The following PLEKHA7 variants were observed in gnomAD, a reference collection of about 807,000 sequenced individuals.
PLEKHA7 encodes pleckstrin homology domain-containing family A member 7.
In PLEKHA7, 104 loss-of-function variants were observed where a neutral mutation model predicts 170.0. The observed-to-expected ratio is 0.61, with a 90% confidence interval of 0.52 to 0.72. The LOEUF (loss-of-function observed/expected upper bound fraction) is 0.72. PLEKHA7 is among the 30% of genes least tolerant of loss of function. The probability of loss-of-function intolerance (pLI) is 0.00; values close to 1 mark genes in which losing one functional copy is unlikely to be tolerated. For synonymous variants in PLEKHA7, 648 were observed against 660.8 expected (o/e 0.98, Z 0.30); for missense variants, 1,615 against 1,671.7 (o/e 0.97, Z 0.59).
rs570682859 is a variant in PLEKHA7 at position 16,811,259 on chromosome 11, C to T, written c.2007+1854G>A. Among the ~76,000 whole-genome samples the T allele has an allele frequency of 9.2e-5, 14 of 152,330 alleles. No individual in the cohort carries two copies. The South Asian group carries it at 2.9e-3, about 32-fold the overall frequency. ...GCTCTTGCTCAGGTGCATTTAGTTC[C>T]CTCTGGCCCCGTGCACTAAACACTC... is the stretch of plus-strand genomic sequence containing the variant. On this transcript the variant is annotated intron_variant, in intron 13 of 26. Coordinates refer to ENST00000531066, the MANE Select transcript of PLEKHA7 (RefSeq NM_001329630.2).
At chr11:16,864,835 A>G (rs921852373) in intron 4 of PLEKHA7, among the ~76,000 whole-genome samples, 2 of 152,238 alleles carry the variant, frequency 1.3e-5, no homozygotes, top group Non-Finnish European at 2.9e-5. Context: ...TAGCAACATG[A>G]GAACAGACTA....
chr11:16,917,867 TCCTAAAGCACTAAGAAGTTGAA>T (rs1858810032), intron 3 of PLEKHA7, among the ~76,000 whole-genome samples: 1 of 152,202 alleles, frequency 6.6e-6, no homozygotes, highest in Non-Finnish European at 1.5e-5. Context: ...CTCCATGTAG[TCCTAAAGCACTAAGAAGTTGAA>T]CCTTCTTGGT....
chr11:17,003,661 G>C (rs527743286), intron 3 of PLEKHA7, among the ~76,000 whole-genome samples: 164 of 152,300 alleles, frequency 1.1e-3, no homozygotes, highest in African/African-American at 3.8e-3. Flanking sequence ...AGGTGAATTA[G>C]AGTCTAGGTA....
chr11:16,779,750 A>C lies in PLEKHA7; in HGVS notation c.3794-730T>G, dbSNP rs550149168. 6.8e-4 allele frequency among the ~76,000 whole-genome samples: 104 copies of C among 152,236 alleles called. 1 individual carries two copies. The South Asian group carries it at 0.021, about 30-fold the overall frequency. Reference sequence around the variant, plus strand: ...CACCCAGGATAGACACCTGCCAAAAAATCATGCTTCGCTCCCTGCAGCACA... The same window carrying C: ...CACCCAGGATAGACACCTGCCAAAACATCATGCTTCGCTCCCTGCAGCACA... On this transcript the variant is annotated intron_variant, in intron 26 of 26. Coordinates refer to ENST00000531066, the MANE Select transcript of PLEKHA7 (RefSeq NM_001329630.2).
rs116913643 is a variant in PLEKHA7 at position 16,903,388 on chromosome 11, G to A, written c.222-32206C>T. ...ATGTTTGGGATGTTTGCTCAGTTAG[G>A]TGAATGAGGATCCCCTCATCCAGAG... On this transcript the variant is annotated intron_variant, in intron 3 of 26. Coordinates refer to ENST00000531066, the MANE Select transcript of PLEKHA7 (RefSeq NM_001329630.2). 6.9e-3 allele frequency among the ~76,000 whole-genome samples: 1,047 copies of A among 152,314 alleles called. 6 individuals are homozygous for A. The highest frequency in any genetic ancestry group is 0.014 in the South Asian group (69 of 4,826).
intron 3 of PLEKHA7, among the ~76,000 whole-genome samples, chr11:16,992,754 T>G (rs1864120560): frequency 1.1e-5 from 1 of 94,826 alleles, no homozygotes; most frequent in Non-Finnish European, 1.9e-5. Flanking sequence ...AGACTCTATC[T>G]CAAAAAAAAA....
At chr11:16,804,374 ATTCTATCTGTAAGGTCCAGGAAG>A (rs2134441511) in intron 13 of PLEKHA7, among the ~76,000 whole-genome samples, 1 of 150,230 alleles carries the variant, frequency 6.7e-6, no homozygotes, top group East Asian at 2.0e-4. Flanking sequence ...ATTTCTCCCC[ATTCTATCTGTAAGGTCCAGGAAG>A]TTTGTCAGTG....
intron 3 of PLEKHA7, among the ~76,000 whole-genome samples, chr11:16,920,999 T>A (rs185055499): frequency 2.6e-5 from 4 of 152,368 alleles, no homozygotes; most frequent in African/African-American, 9.6e-5. Flanking sequence ...ACAAAAGTAA[T>A]GAGAATGAAT....
In PLEKHA7 at chr11:16,789,342, G is replaced by GGGCACGCAGAGGACAGCC. The variant is rs1361863122; in HGVS notation, c.3157-64_3157-47dup. 2 of 1,589,544 alleles carry GGGCACGCAGAGGACAGCC rather than the reference G, an allele frequency of 1.3e-6. No individual in the cohort carries two copies. Among genetic ancestry groups the GGGCACGCAGAGGACAGCC allele is most frequent in the Non-Finnish European group, 1.7e-6 (2 of 1,163,256 alleles). ...AAGAGAGACACAGAACAGCTGGGCT[G>GGGCACGCAGAGGACAGCC]GGCACGCAGAGGACAGCCACCCTGC... On this transcript the variant is annotated intron_variant, in intron 22 of 26. Transcript: ENST00000531066. This position sits in a 1 kb window ranked among gnomAD's most constrained non-coding sequence, Gnocchi z 4.6.
rs552693464 is a variant in PLEKHA7 at position 17,009,779 on chromosome 11, G to A, written c.221+4210C>T. Among the ~76,000 whole-genome samples, 282 of 152,146 alleles carry A rather than the reference G, an allele frequency of 1.9e-3. 8 individuals carry two copies. Among genetic ancestry groups the A allele is most frequent in the Non-Finnish European group, 2.5e-3 (168 of 68,010 alleles). ...GCCTCTCAAGTTGCTAGGATTACAG[G>A]AGCATACCACCATTAATTTTTTCAT... On this transcript the variant is annotated intron_variant, in intron 3 of 26. Coordinates refer to ENST00000531066, the MANE Select transcript of PLEKHA7 (RefSeq NM_001329630.2).
At chr11:16,882,620 C>T (rs1047052892) in intron 3 of PLEKHA7, among the ~76,000 whole-genome samples, 1 of 152,188 alleles carries the variant, frequency 6.6e-6, no homozygotes, top group African/African-American at 2.4e-5. Context: ...AGCCTACAGA[C>T]ACAGCCTAAT....
intron 4 of PLEKHA7, among the ~76,000 whole-genome samples, chr11:16,856,806 G>A (rs978437771): frequency 6.6e-6 from 1 of 152,208 alleles, no homozygotes; most frequent in African/African-American, 2.4e-5. Context: ...CCAAGACCCT[G>A]CAAAGTCCAG....
chr11:16,780,891 G>T, intron 26 of PLEKHA7: 1 of 684,438 alleles, frequency 1.5e-6, no homozygotes, highest in Non-Finnish European at 1.8e-6. Context: ...GGGGCTCAGC[G>T]CTAGGGAGGT....
intron 3 of PLEKHA7, among the ~76,000 whole-genome samples, chr11:16,885,089 C>G (rs1855981518): frequency 6.6e-6 from 1 of 152,104 alleles, no homozygotes; most frequent in Non-Finnish European, 1.5e-5. Context: ...GCCTGTAATC[C>G]CAATACTTTG....
chr11:16,980,759 T>C (rs1311878144), intron 3 of PLEKHA7, among the ~76,000 whole-genome samples: 1 of 151,892 alleles, frequency 6.6e-6, no homozygotes, highest in East Asian at 1.9e-4. Context: ...CCGTCTCTAC[T>C]AAAAATACAA....
intron 3 of PLEKHA7, among the ~76,000 whole-genome samples, chr11:16,948,649 AACACACACACAC>A (rs113101282): frequency 1.7e-4 from 16 of 92,808 alleles, no homozygotes; most frequent in African/African-American, 5.6e-4. Flanking sequence ...GTGAAGGAGG[AACACACACACAC>A]ACACACACAC....
chr11:16,970,143 G>T (rs1053853908), intron 3 of PLEKHA7, among the ~76,000 whole-genome samples: 1 of 152,166 alleles, frequency 6.6e-6, no homozygotes, highest in South Asian at 2.1e-4. Context: ...CAGAAAGGGG[G>T]TTTTCTCAGA....
chr11:16,912,444 A>T (rs551001260), intron 3 of PLEKHA7, among the ~76,000 whole-genome samples: 1 of 152,358 alleles, frequency 6.6e-6, no homozygotes, highest in Non-Finnish European at 1.5e-5. Flanking sequence ...CAAAAGGATG[A>T]ATAATACTCT....
rs557095629 is a variant in PLEKHA7 at position 16,791,711 on chromosome 11, CCTTT to C, written c.2746-516_2746-513del. On this transcript the variant is annotated intron_variant, in intron 19 of 26. Transcript: ENST00000531066. The surrounding 1 kb of genome is among the most constrained non-coding windows in gnomAD (Gnocchi z 4.5). Reference sequence around the variant, plus strand: ...AAGGACAGAGTCTACATCCTCCTGGCCTTTCTATCAGAAATGTGCATGGTTACAA... The same window carrying C: ...AAGGACAGAGTCTACATCCTCCTGGCCTATCAGAAATGTGCATGGTTACAA... 1.3e-3 allele frequency: 586 copies of C among 457,192 alleles called. 6 individuals are homozygous for C. Among genetic ancestry groups the C allele is most frequent in the African/African-American group, 0.01 (517 of 50,240 alleles). The allele number at this position is 457,192 out of a possible 1,614,324, so 28.3% of individuals were successfully genotyped here. A position where few individuals can be genotyped will look rare whatever the true frequency, so the allele number is the denominator to read the frequency against.
Sources: gnomAD v4.1 joint callset for allele counts (sites outside exome capture counted in the v4.1 genomes callset) on GRCh38, gnomAD v4.1.1 for gene constraint, Gnocchi (gnomAD v3.1) non-coding constraint, MANE v1.5 for transcripts, NCBI Gene and HGNC (gene_info 2026-07-23, HGNC 2026-07-21) for gene names.